GLG1: variants seen among roughly 807,000 people sequenced by gnomAD.
GLG1 encodes the protein golgi glycoprotein 1, also known as Golgi apparatus protein 1.
Under a neutral mutation model 160.5 loss-of-function variants are expected in GLG1, and 38 were observed. The ratio of observed to expected loss-of-function variants is 0.24; its 90% confidence interval spans 0.18 to 0.31. The LOEUF is 0.31. GLG1 is among the 10% of genes least tolerant of loss of function. The pLI is 1.00. For synonymous variants in GLG1, 644 were observed against 543.4 expected (o/e 1.19, Z -2.57); for missense variants, 1,373 against 1,505.2 (o/e 0.91, Z 1.45).
At chr16:74,477,977 A>AAAAT (rs140504819) in intron 11 of GLG1, among the ~76,000 whole-genome samples, 10,578 of 140,072 alleles carry the variant, frequency 0.076, 428 homozygotes, top group Non-Finnish European at 0.087. Flanking sequence ...CCGTCTCAAA[A>AAAAT]AAATAAATAA....
In GLG1 at chr16:74,485,844, T is replaced by C; in HGVS notation, c.1523A>G (p.Glu508Gly). 1 of 1,612,848 alleles carries C rather than the reference T, an allele frequency of 6.2e-7. No homozygotes were observed. The highest frequency in any genetic ancestry group is 8.5e-7 in the Non-Finnish European group (1 of 1,178,838). Reference protein sequence around the residue: ...RIDRALNEACESVIQTACKHI... With the variant: ...RIDRALNEACGSVIQTACKHI... ...TTTGCAGGCTGTCTGGATTACAGAT[T>C]CACAAGCTTCATTCAAAGCTCGATC... Residue 508 changes from glutamate to glycine, a missense_variant, in exon 9 of 26, where the codon GAA becomes GGA. By Grantham distance (98) the Glu-to-Gly change is moderately conservative. Around this residue, in one of 4 missense-constraint regions of GLG1, gnomAD observed 386 missense variants for 388.5 expected, o/e 0.99. Coordinates refer to ENST00000422840, the MANE Select transcript of GLG1 (RefSeq NM_001145667.2).
intron 1 of GLG1, among the ~76,000 whole-genome samples, chr16:74,602,639 C>T (rs988096512): frequency 6.6e-6 from 1 of 151,886 alleles, no homozygotes; most frequent in Non-Finnish European, 1.5e-5. Flanking sequence ...AAAAATTAGC[C>T]GGGTGTGGTG....
chr16:74,513,865 C>T (rs2016891202), intron 2 of GLG1, among the ~76,000 whole-genome samples: 2 of 152,078 alleles, frequency 1.3e-5, no homozygotes, highest in Non-Finnish European at 2.9e-5. Context: ...CATGTTCTAA[C>T]CCATCAAAAG....
intron 2 of GLG1, among the ~76,000 whole-genome samples, chr16:74,524,679 GAATT>G (rs1205510517): frequency 7.2e-5 from 11 of 152,216 alleles, no homozygotes; most frequent in South Asian, 4.1e-4. Flanking sequence ...GTACCAATCT[GAATT>G]AATATTTGAA....
In GLG1 at chr16:74,503,722, C is replaced by A. The variant is rs780788132; in HGVS notation, c.583G>T (p.Val195Phe). ...TEIKECADEP[V>F]GKGYMVSCLV... ...CAGGAAACCATGTAACCTTTTCCAA[C>A]CGGTTCATCAGCACATTCTTTAATC... The change falls in exon 4 of 26, where the codon GTT (valine) becomes TTT (phenylalanine). Residue 195 changes from valine (V) to phenylalanine (F), a missense_variant. By Grantham distance (50) the Val-to-Phe change is conservative. Transcript: ENST00000422840. 2 of 1,611,966 alleles carry A rather than the reference C, an allele frequency of 1.2e-6. No homozygotes were observed. The highest frequency in any genetic ancestry group is 2.2e-5 in the South Asian group (2 of 91,016).
In GLG1 at chr16:74,540,063, TA is replaced by T. The variant is rs1287008649; in HGVS notation, c.439-7911del. Among the ~76,000 whole-genome samples, 2 of 1,380 alleles carry T rather than the reference TA, an allele frequency of 1.4e-3. 1 individual carries two copies. The highest frequency in any genetic ancestry group is 3.1e-3 in the African/African-American group (2 of 646). 0.9% of individuals were successfully genotyped at this position (1,380 alleles called of 152,430 possible). On this transcript the variant is annotated intron_variant, in intron 1 of 25. Coordinates refer to ENST00000422840, the MANE Select transcript of GLG1 (RefSeq NM_001145667.2). ...ATATATATATTATATATATTTTATA[TA>T]TATATATTATATATATTTTATATAT... is the stretch of plus-strand genomic sequence containing the variant.
At chr16:74,516,757 A>G (rs1193106501) in intron 2 of GLG1, among the ~76,000 whole-genome samples, 1 of 152,202 alleles carries the variant, frequency 6.6e-6, no homozygotes, top group Non-Finnish European at 1.5e-5. Context: ...AAATAAACCA[A>G]TGAATCCAGG....
At chr16:74,471,763 C>T (rs2015216845) in intron 14 of GLG1, among the ~76,000 whole-genome samples, 1 of 152,144 alleles carries the variant, frequency 6.6e-6, no homozygotes, top group South Asian at 2.1e-4. Flanking sequence ...TGGAATCAAC[C>T]CTGCATACTA....
intron 2 of GLG1, among the ~76,000 whole-genome samples, chr16:74,517,131 G>A (rs537665770): frequency 3.9e-5 from 6 of 152,246 alleles, no homozygotes; most frequent in African/African-American, 1.4e-4. Context: ...GGTACAAAGA[G>A]GAGCTGGTAC....
At chr16:74,485,131 T>C (rs1416943967) in intron 9 of GLG1, among the ~76,000 whole-genome samples, 1 of 152,180 alleles carries the variant, frequency 6.6e-6, no homozygotes, top group Non-Finnish European at 1.5e-5. Flanking sequence ...GGTTTCAAAC[T>C]CGTAGCTTCA....
In GLG1 at chr16:74,453,030, C is replaced by G; in HGVS notation, c.*137G>C. On this transcript the variant is annotated 3_prime_UTR_variant, in exon 26 of 26. Coordinates refer to ENST00000422840, the MANE Select transcript of GLG1 (RefSeq NM_001145667.2). ...CACGAGTGGAGGCTGGATGGGACAA[C>G]GCAGTGGACATCTGCTAATGCTCTA... The G allele has an allele frequency of 6.8e-7, 1 of 1,463,458 alleles. No individual in the cohort carries two copies. Among genetic ancestry groups the G allele is most frequent in the Non-Finnish European group, 9.0e-7 (1 of 1,107,100 alleles). The allele number at this position is 1,463,458 out of a possible 1,614,324, so 90.7% of individuals were successfully genotyped here. A position where few individuals can be genotyped will look rare whatever the true frequency, so the allele number is the denominator to read the frequency against.
intron 1 of GLG1, among the ~76,000 whole-genome samples, chr16:74,575,080 C>T (rs2018963912): frequency 7.4e-6 from 1 of 134,836 alleles, no homozygotes; most frequent in South Asian, 2.6e-4. Context: ...AATCTCACCT[C>T]TATTAAAAAT....
chr16:74,461,892 C>T (rs1457220921), intron 22 of GLG1: 2 of 487,968 alleles, frequency 4.1e-6, no homozygotes, highest in Non-Finnish European at 7.2e-6. Flanking sequence ...AAATATGGAA[C>T]AACGCTTTAG....
At chr16:74,479,101 C>T (rs1455548692) in intron 11 of GLG1, among the ~76,000 whole-genome samples, 4 of 117,412 alleles carry the variant, frequency 3.4e-5, no homozygotes, top group Non-Finnish European at 3.4e-5. Flanking sequence ...GGCAGGCACC[C>T]GTAATCCCAG....
intron 1 of GLG1, among the ~76,000 whole-genome samples, chr16:74,538,316 T>C (rs905059828): frequency 3.3e-5 from 5 of 151,728 alleles, no homozygotes; most frequent in Non-Finnish European, 7.4e-5. Flanking sequence ...TGGGAGTTTA[T>C]TCATTAAGAA....
At chr16:74,551,358 G>A (rs556905424) in intron 1 of GLG1, among the ~76,000 whole-genome samples, 240 of 151,846 alleles carry the variant, frequency 1.6e-3, no homozygotes, top group Middle Eastern at 3.4e-3. Flanking sequence ...GCAGTGGTGT[G>A]ATTTCGGCTC....
chr16:74,575,283 T>A (rs1474283962), intron 1 of GLG1, among the ~76,000 whole-genome samples: 1 of 151,960 alleles, frequency 6.6e-6, no homozygotes, highest in Non-Finnish European at 1.5e-5. Context: ...TAACAGTTAA[T>A]ACAAATGAGT....
At chr16:74,542,782 G>GAAGGAAGGA (rs1555514668) in intron 1 of GLG1, among the ~76,000 whole-genome samples, 8 of 147,142 alleles carry the variant, frequency 5.4e-5, no homozygotes, top group Non-Finnish European at 1.0e-4. Context: ...AGGAAGGAAG[G>GAAGGAAGGA]AAGGAAGGAA....
intron 1 of GLG1, among the ~76,000 whole-genome samples, chr16:74,588,504 C>T (rs574456675): frequency 1.3e-5 from 2 of 152,152 alleles, no homozygotes; most frequent in South Asian, 4.1e-4. Flanking sequence ...ACTGCAGCCT[C>T]GACTTCCCAG....
Sources: gnomAD v4.1 joint callset for allele counts (sites outside exome capture counted in the v4.1 genomes callset) on GRCh38, gnomAD v4.1.1 for gene constraint, gnomAD v4.1.1 regional missense constraint, MANE v1.5 for transcripts, NCBI Gene and HGNC (gene_info 2026-07-23, HGNC 2026-07-21) for gene names.